The following PCDHGA7 variants were observed in gnomAD, a reference collection of about 807,000 sequenced individuals.
PCDHGA7 encodes protocadherin gamma-A7.
In PCDHGA7, 44 loss-of-function variants were observed where a neutral mutation model predicts 58.3. That is an observed-to-expected ratio of 0.75 (90% CI 0.59 to 0.97). PCDHGA7 has a LOEUF of 0.97. Ranked by LOEUF, PCDHGA7 falls within the 50% of genes least tolerant of loss-of-function variation. The probability of loss-of-function intolerance (pLI) is 0.00; values close to 1 mark genes in which losing one functional copy is unlikely to be tolerated. For synonymous variants in PCDHGA7, 516 were observed against 504.2 expected (o/e 1.02, Z -0.31); for missense variants, 1,266 against 1,188.7 (o/e 1.06, Z -0.96).
chr5:141,455,852 T>C (rs2154565235), intron 1 of PCDHGA7, among the ~76,000 whole-genome samples: 1 of 148,622 alleles, frequency 6.7e-6, no homozygotes, highest in South Asian at 2.1e-4. Context: ...CATAAAATAA[T>C]TTCTTTTATT....
chr5:141,455,130 A>T (rs1446894125), intron 1 of PCDHGA7, among the ~76,000 whole-genome samples: 2 of 150,970 alleles, frequency 1.3e-5, no homozygotes, highest in African/African-American at 4.8e-5. Flanking sequence ...GTTTTAAATT[A>T]CACTGTGTTA....
chr5:141,448,329 A>T (rs1166759766), intron 1 of PCDHGA7, among the ~76,000 whole-genome samples: 1 of 152,146 alleles, frequency 6.6e-6, no homozygotes, highest in Non-Finnish European at 1.5e-5. Context: ...TTGAATCTTT[A>T]TAGCCATGTA....
intron 1 of PCDHGA7, among the ~76,000 whole-genome samples, chr5:141,387,391 A>T (rs1029358024): frequency 4.6e-5 from 7 of 152,220 alleles, no homozygotes; most frequent in Non-Finnish European, 1.0e-4. Context: ...TAGATAGTGC[A>T]TGTTTGAAGA....
chr5:141,394,405 T>C, intron 1 of PCDHGA7: 2 of 1,614,222 alleles, frequency 1.2e-6, no homozygotes, highest in Non-Finnish European at 1.7e-6. Context: ...CTGCAGCTAC[T>C]GGTAACAGCC....
At chr5:141,417,703 C>A in intron 1 of PCDHGA7, 1 of 1,205,130 alleles carries the variant, frequency 8.3e-7, no homozygotes, top group Non-Finnish European at 1.1e-6. Context: ...AGCTCCCACA[C>A]AGAGGCTCCC....
In PCDHGA7 at chr5:141,420,282, T is replaced by C. The variant is rs543435018; in HGVS notation, c.2424+34959T>C. 2.1e-5 allele frequency: 31 copies of C among 1,510,188 alleles called. No homozygotes were observed. In the African/African-American group the frequency reaches 4.0e-4, roughly 20 times the overall value. 93.5% of individuals were successfully genotyped at this position (1,510,188 alleles called of 1,614,324 possible). On this transcript the variant is annotated intron_variant, in intron 1 of 3. Coordinates refer to ENST00000518325, the MANE Select transcript of PCDHGA7 (RefSeq NM_018920.4). ...AAGAAGATTCTTAAACAGGTAAGTA[T>C]TTAAAAATGTATTTAATCCTTTTTA...
In PCDHGA7 at chr5:141,383,620, G is replaced by C; in HGVS notation, c.721G>C (p.Val241Leu). ...TVVDVNDHTP[V>L]FSLPQYQVTV... The stretch of plus-strand genomic sequence containing the variant: ...GGTGGATGTGAATGACCACACGCCT[G>C]TCTTCTCTCTGCCTCAGTACCAAGT... Residue 241 changes from valine (V) to leucine (L), a missense_variant, in exon 1 of 4, where the codon GTC (valine) becomes CTC (leucine). By Grantham distance (32) the Val-to-Leu change is conservative (BLOSUM62 1). Coordinates refer to ENST00000518325, the MANE Select transcript of PCDHGA7 (RefSeq NM_018920.4). The C allele has an allele frequency of 6.2e-7, 1 of 1,613,872 alleles. No individual in the cohort carries two copies. Among genetic ancestry groups the C allele is most frequent in the Middle Eastern group, 1.6e-4 (1 of 6,062 alleles).
At position 141,489,651 on chromosome 5, in the gene PCDHGA7, G is replaced by A; in HGVS notation, c.2425-5156G>A. 6.2e-7 allele frequency: 1 copy of A among 1,614,186 alleles called. No individual in the cohort carries two copies. Among genetic ancestry groups the A allele is most frequent in the Non-Finnish European group, 8.5e-7 (1 of 1,180,032 alleles). ...ACTCTCCTAGCTTTGCCACCCCTGA[G>A]CGAGAGATGCGCATCTCAGAATCAG... On this transcript the variant is annotated intron_variant, in intron 1 of 3. Coordinates refer to ENST00000518325, the MANE Select transcript of PCDHGA7 (RefSeq NM_018920.4). The surrounding 1 kb of genome is among the most constrained non-coding windows in gnomAD (Gnocchi z 4.5).
At chr5:141,462,800 A>C (rs1039129881) in intron 1 of PCDHGA7, among the ~76,000 whole-genome samples, 2 of 152,128 alleles carry the variant, frequency 1.3e-5, no homozygotes, top group Non-Finnish European at 2.9e-5. Flanking sequence ...TTGCATGTCT[A>C]ATAATGTTTT....
intron 1 of PCDHGA7, chr5:141,430,844 A>C: frequency 6.4e-7 from 1 of 1,571,464 alleles, no homozygotes; most frequent in Non-Finnish European, 8.6e-7. Flanking sequence ...GACCGGATGC[A>C]CCCAGATACG....
At chr5:141,495,544 T>C (rs971374249) in intron 2 of PCDHGA7, among the ~76,000 whole-genome samples, 5 of 152,220 alleles carry the variant, frequency 3.3e-5, no homozygotes, top group African/African-American at 7.2e-5. Context: ...CCTCAGTCTC[T>C]ATCTCGCTTT....
At position 141,477,879 on chromosome 5, in the gene PCDHGA7, A is replaced by T. The variant is rs932363258; in HGVS notation, c.2425-16928A>T. The T allele has an allele frequency of 3.4e-5, 55 of 1,614,060 alleles. No homozygotes were observed. The highest frequency in any genetic ancestry group is 4.6e-5 in the Non-Finnish European group (54 of 1,180,034). ...CTGCCTCGAGGTACCTCAGCTGGCCACCTAGTGTCACGGGTGGTAGGCTGG... is the reference window on the plus strand; with the variant it reads ...CTGCCTCGAGGTACCTCAGCTGGCCTCCTAGTGTCACGGGTGGTAGGCTGG... On this transcript the variant is annotated intron_variant, in intron 1 of 3. Coordinates refer to ENST00000518325, the MANE Select transcript of PCDHGA7 (RefSeq NM_018920.4). This position sits in a 1 kb window ranked among gnomAD's most constrained non-coding sequence, Gnocchi z 4.9.
chr5:141,410,976 C>G (rs750121743), intron 1 of PCDHGA7: 28 of 178,158 alleles, frequency 1.6e-4, no homozygotes, highest in Non-Finnish European at 2.6e-4. Context: ...GCCTCAGCCT[C>G]CCAAGTAGCT....
At chr5:141,482,074 A>G (rs1349748840) in intron 1 of PCDHGA7, among the ~76,000 whole-genome samples, 2 of 142,830 alleles carry the variant, frequency 1.4e-5, no homozygotes, top group Non-Finnish European at 3.0e-5. Context: ...AACAAGAACA[A>G]AACTCACTCC....
rs1414835001 is a variant in PCDHGA7 at position 141,476,225 on chromosome 5, A to T, written c.2425-18582A>T. 1.2e-6 allele frequency: 2 copies of T among 1,613,882 alleles called. No individual in the cohort carries two copies. Among genetic ancestry groups the T allele is most frequent in the Non-Finnish European group, 1.7e-6 (2 of 1,180,012 alleles). ...GGCTTCCACGGTCATTCACTATGAG[A>T]TCCCGGAGGAAAGAGAGAAGGGTTT... On this transcript the variant is annotated intron_variant, in intron 1 of 3. Transcript: ENST00000518325. This position sits in a 1 kb window ranked among gnomAD's most constrained non-coding sequence, Gnocchi z 7.6.
At chr5:141,403,092 A>C in intron 1 of PCDHGA7, 4 of 1,614,086 alleles carry the variant, frequency 2.5e-6, no homozygotes, top group Non-Finnish European at 3.4e-6. Flanking sequence ...ATTGTGGGCA[A>C]CATCTCCAAG....
intron 1 of PCDHGA7, among the ~76,000 whole-genome samples, chr5:141,425,219 G>T (rs779272038): frequency 2.0e-5 from 3 of 152,148 alleles, no homozygotes; most frequent in Non-Finnish European, 2.9e-5. Context: ...ATTGTACTTT[G>T]ACTGGAATTA....
intron 1 of PCDHGA7, chr5:141,421,248 C>G: frequency 1.2e-6 from 2 of 1,604,936 alleles, no homozygotes; most frequent in Middle Eastern, 1.7e-4. Flanking sequence ...GGCTACAGCG[C>G]GGGGACCGCA....
At chr5:141,424,245 A>T (rs1196753393) in intron 1 of PCDHGA7, 3 of 155,310 alleles carry the variant, frequency 1.9e-5, no homozygotes, top group African/African-American at 7.2e-5. Context: ...GGTGGCTGGT[A>T]ATATGCTTAG....
Sources: gnomAD v4.1 joint callset for allele counts (sites outside exome capture counted in the v4.1 genomes callset) on GRCh38, gnomAD v4.1.1 for gene constraint, Gnocchi (gnomAD v3.1) non-coding constraint, MANE v1.5 for transcripts, NCBI Gene and HGNC (gene_info 2026-07-23, HGNC 2026-07-21) for gene names.